FKTN: variants seen among roughly 807,000 people sequenced by gnomAD.
FKTN encodes the protein fukutin, also known as ribitol-5-phosphate transferase FKTN.
A neutral mutation model predicts 58.6 loss-of-function variants in FKTN; 47 were observed. That is an observed-to-expected ratio of 0.80 (90% CI 0.63 to 1.02). The LOEUF is 1.02. Ranked by LOEUF, FKTN falls within the 50% of genes least tolerant of loss-of-function variation. The pLI, the probability that FKTN is intolerant of heterozygous loss-of-function variation, is 0.00. For synonymous variants in FKTN, 178 were observed against 191.9 expected (o/e 0.93, Z 0.60); for missense variants, 516 against 537.3 (o/e 0.96, Z 0.39).
chr9:105,574,927 T>A lies in FKTN; in HGVS notation c.-88-18T>A. The A allele has an allele frequency of 4.1e-6, 3 of 731,550 alleles. No homozygotes were observed. The highest frequency in any genetic ancestry group is 7.5e-6 in the Non-Finnish European group (3 of 398,582). 45.3% of individuals were successfully genotyped at this position (731,550 alleles called of 1,614,324 possible). A position where few individuals can be genotyped will look rare whatever the true frequency, so the allele number is the denominator to read the frequency against. Reference sequence around the variant, plus strand: ...AAAGAGGTTTTTGTTTCTTTAAAAATATCTTTTTTGTTCACAGAAAACAAA... The same window carrying A: ...AAAGAGGTTTTTGTTTCTTTAAAAAAATCTTTTTTGTTCACAGAAAACAAA... On this transcript the variant is annotated intron_variant, in intron 2 of 10. Transcript: ENST00000357998.
At chr9:105,577,998 G>C (rs1188313527) in intron 3 of FKTN, among the ~76,000 whole-genome samples, 1 of 151,964 alleles carries the variant, frequency 6.6e-6, no homozygotes, top group Non-Finnish European at 1.5e-5. Flanking sequence ...AAGAATGCTT[G>C]TGATTTTTGC....
chr9:105,593,094 G>T (rs911354839), intron 3 of FKTN, among the ~76,000 whole-genome samples: 2 of 152,178 alleles, frequency 1.3e-5, no homozygotes, highest in African/African-American at 2.4e-5. Context: ...AAGTTTAATT[G>T]TCTCATTGTT....
chr9:105,593,798 AATAAG>A (rs376170401), intron 3 of FKTN, among the ~76,000 whole-genome samples: 2 of 152,336 alleles, frequency 1.3e-5, no homozygotes, highest in African/African-American at 4.8e-5. Context: ...TGGTATATCA[AATAAG>A]ATAAGTATTG....
At chr9:105,622,586 A>G (rs1832154862) in intron 10 of FKTN, among the ~76,000 whole-genome samples, 1 of 152,022 alleles carries the variant, frequency 6.6e-6, no homozygotes, top group Admixed American at 6.6e-5. Flanking sequence ...CCAGTTAGAC[A>G]TTAGGAAACT....
In FKTN at chr9:105,640,349, G is replaced by GAGAC. The variant is rs1834333849; in HGVS notation, c.*5086_*5089dup. ...GTGGATCACTTGAGGCCAGGAGTTC[G>GAGAC]AGACCAGCCTGGCCAACATAGTGAA... On this transcript the variant is annotated 3_prime_UTR_variant, in exon 11 of 11. Transcript: ENST00000357998. 4 of 479,250 alleles carry GAGAC rather than the reference G, an allele frequency of 8.3e-6. No individual in the cohort carries two copies. The highest frequency in any genetic ancestry group is 1.4e-5 in the Non-Finnish European group (4 of 280,390). The allele number at this position is 479,250 out of a possible 1,614,324, so 29.7% of individuals were successfully genotyped here.
Position 105,635,696 on chromosome 9 carries a change from T to G in FKTN, c.*432T>G. 9.5e-7 allele frequency: 1 copy of G among 1,053,546 alleles called. No individual in the cohort carries two copies. Among genetic ancestry groups the G allele is most frequent in the Non-Finnish European group, 1.1e-6 (1 of 871,900 alleles). 65.3% of individuals were successfully genotyped at this position (1,053,546 alleles called of 1,614,324 possible). On this transcript the variant is annotated 3_prime_UTR_variant, in exon 11 of 11. Transcript: ENST00000357998. ...ATAACCCACTCCTCTTCTGGGCATT[T>G]AAGCTGGTATGTTAGTGCTACTTTT... is the stretch of plus-strand genomic sequence containing the variant.
rs896835120 is a variant in FKTN at position 105,636,260 on chromosome 9, A to G, written c.*996A>G. Reference sequence around the variant, plus strand: ...TTAAAACATACTCTTTATTATCTTCATTTATCAATTACAGCTTCGTATCTC... The same window carrying G: ...TTAAAACATACTCTTTATTATCTTCGTTTATCAATTACAGCTTCGTATCTC... On this transcript the variant is annotated 3_prime_UTR_variant, in exon 11 of 11. Coordinates refer to ENST00000357998, the MANE Select transcript of FKTN (RefSeq NM_001079802.2). 1 of 926,994 alleles carries G rather than the reference A, an allele frequency of 1.1e-6. No individual in the cohort carries two copies. The highest frequency in any genetic ancestry group is 1.3e-6 in the Non-Finnish European group (1 of 776,818). 57.4% of individuals were successfully genotyped at this position (926,994 alleles called of 1,614,324 possible).
intron 10 of FKTN, among the ~76,000 whole-genome samples, chr9:105,632,559 C>T (rs1164493877): frequency 6.6e-6 from 1 of 151,832 alleles, no homozygotes; most frequent in East Asian, 1.9e-4. Context: ...GGAAGAACTT[C>T]CTTTTCATTT....
chr9:105,609,190 A>G (rs959704736), intron 7 of FKTN, among the ~76,000 whole-genome samples: 1 of 152,222 alleles, frequency 6.6e-6, no homozygotes, highest in African/African-American at 2.4e-5. Context: ...GTATTTGAAC[A>G]CTTGATGGCG....
chr9:105,638,978 TCAGTCTAAA>T lies in FKTN; in HGVS notation c.*3715_*3723del, dbSNP rs1384225415. 33 of 985,094 alleles carry T rather than the reference TCAGTCTAAA, an allele frequency of 3.3e-5. No homozygotes were observed. The highest frequency in any genetic ancestry group is 6.2e-5 in the Admixed American group (1 of 16,254). The allele number at this position is 985,094 out of a possible 1,614,324, so 61.0% of individuals were successfully genotyped here. A position where few individuals can be genotyped will look rare whatever the true frequency, so the allele number is the denominator to read the frequency against. On this transcript the variant is annotated 3_prime_UTR_variant, in exon 11 of 11. Transcript: ENST00000357998. ...CACATTTGGAATGAGCTTCCACACTTCAGTCTAAAATCTCACCCAAACTTATGGCTACAT... is the reference window on the plus strand; with the variant it reads ...CACATTTGGAATGAGCTTCCACACTTATCTCACCCAAACTTATGGCTACAT...
At chr9:105,563,328 G>A (rs148468707) in intron 1 of FKTN, among the ~76,000 whole-genome samples, 279 of 152,310 alleles carry the variant, frequency 1.8e-3, no homozygotes, top group African/African-American at 6.2e-3. Flanking sequence ...GCAGCGCACC[G>A]AGCGTGAGCC....
chr9:105,618,203 AG>A, intron 9 of FKTN, 111 bp downstream of exon 9: 1 of 894,798 alleles, frequency 1.1e-6, no homozygotes, highest in Non-Finnish European at 1.8e-6. Context: ...TTTATCACTC[AG>A]TATTGACTAG....
chr9:105,607,181 CAA>C (rs1829052375), intron 6 of FKTN, among the ~76,000 whole-genome samples: 1 of 152,034 alleles, frequency 6.6e-6, no homozygotes, highest in Non-Finnish European at 1.5e-5. Flanking sequence ...GGAAAACTCT[CAA>C]ATAATATTTT....
intron 4 of FKTN, chr9:105,598,305 T>C: frequency 3.4e-6 from 1 of 290,606 alleles, no homozygotes; most frequent in East Asian, 9.8e-5. Flanking sequence ...TCTAAACTTT[T>C]AGAAGGAATA....
rs80255150 is a variant in FKTN, at chr9:105,619,058, T to TA, written c.1045-859dup. Among the ~76,000 whole-genome samples the TA allele has an allele frequency of 9.3e-3, 1,274 of 136,688 alleles. 16 individuals are homozygous for TA. Among genetic ancestry groups the TA allele is most frequent in the African/African-American group, 0.028 (1,018 of 36,938 alleles). The allele number at this position is 136,688 out of a possible 152,430, so 89.7% of individuals were successfully genotyped here. On this transcript the variant is annotated intron_variant, in intron 9 of 10. Coordinates refer to ENST00000357998, the MANE Select transcript of FKTN (RefSeq NM_001079802.2). ...TGGGCGACAGAGCAAGACTCCGTCTTAAAAAAAAAAAAAAAAAGTTTAGTC... is the reference window on the plus strand; with the variant it reads ...TGGGCGACAGAGCAAGACTCCGTCTTAAAAAAAAAAAAAAAAAAGTTTAGTC...
chr9:105,579,082 G>T (rs1842351151), intron 3 of FKTN, among the ~76,000 whole-genome samples: 1 of 151,700 alleles, frequency 6.6e-6, no homozygotes, highest in African/African-American at 2.4e-5. Context: ...CTTGCTAGTG[G>T]TCTATCAATT....
intron 5 of FKTN, 43 bp downstream of exon 5, chr9:105,601,391 C>G: frequency 7.5e-7 from 1 of 1,338,324 alleles, no homozygotes. Context: ...TCTCTTTTTA[C>G]AAAATAGTAT....
At chr9:105,612,268 C>T (rs944063705) in intron 7 of FKTN, among the ~76,000 whole-genome samples, 4 of 151,992 alleles carry the variant, frequency 2.6e-5, no homozygotes, top group Admixed American at 2.0e-4. Flanking sequence ...CTGATAGATG[C>T]TGGATATTAG....
intron 8 of FKTN, among the ~76,000 whole-genome samples, chr9:105,615,747 A>G (rs917798404): frequency 1.3e-5 from 2 of 152,156 alleles, no homozygotes; most frequent in African/African-American, 4.8e-5. Context: ...CTCCGATAGT[A>G]CTGAACCCTA....
Sources: gnomAD v4.1 joint callset for allele counts (sites outside exome capture counted in the v4.1 genomes callset) on GRCh38, gnomAD v4.1.1 for gene constraint, MANE v1.5 for transcripts, NCBI Gene and HGNC (gene_info 2026-07-23, HGNC 2026-07-21) for gene names.